Variants in SIK2 observed in about 807,000 individuals in gnomAD.
SIK2 encodes the protein salt inducible kinase 2, also known as serine/threonine-protein kinase SIK2.
A neutral mutation model predicts 103.2 loss-of-function variants in SIK2; 29 were observed. That is an observed-to-expected ratio of 0.28 (90% CI 0.21 to 0.38). The LOEUF (loss-of-function observed/expected upper bound fraction) is 0.38. SIK2 is among the 10% of genes least tolerant of loss of function. SIK2 has a pLI of 1.00. For missense variants in SIK2, 879 were observed against 1,171.0 expected, an observed-to-expected ratio of 0.75 and a Z score of 3.64; for synonymous variants, 412 against 446.1, an observed-to-expected ratio of 0.92 and a Z score of 0.96.
chr11:111,712,264 G>A lies in SIK2; in HGVS notation c.1155G>A (p.Leu385=). 6.2e-7 allele frequency: 1 copy of A among 1,614,212 alleles called. No individual in the cohort carries two copies. Among genetic ancestry groups the A allele is most frequent in the South Asian group, 1.1e-5 (1 of 91,084 alleles). ...VTMHSPNMRL[L]RSALLPQASN... Reference sequence around the variant, plus strand: ...TGCATTCACCGAACATGAGGCTGCTGCGATCTGCCCTCCTCCCCCAGGCAT... The same window carrying A: ...TGCATTCACCGAACATGAGGCTGCTACGATCTGCCCTCCTCCCCCAGGCAT... The change falls in exon 9 of 15, where the codon CTG becomes CTA. Residue 385 remains leucine (L), a synonymous_variant. Transcript: ENST00000304987.
intron 3 of SIK2, among the ~76,000 whole-genome samples, chr11:111,650,187 T>C (rs1412180162): frequency 6.6e-6 from 1 of 152,056 alleles, no homozygotes; most frequent in Non-Finnish European, 1.5e-5. Context: ...ATCTTAACTT[T>C]AGCAATTATC....
intron 3 of SIK2, among the ~76,000 whole-genome samples, chr11:111,626,216 A>G (rs1309887822): frequency 6.6e-6 from 1 of 152,168 alleles, no homozygotes; most frequent in Non-Finnish European, 1.5e-5. Context: ...AATGAGTAAT[A>G]GAATTAATTT....
chr11:111,700,615 C>CATT (rs1380703064), intron 4 of SIK2, among the ~76,000 whole-genome samples: 1 of 152,176 alleles, frequency 6.6e-6, no homozygotes, highest in African/African-American at 2.4e-5. Flanking sequence ...TTTTCTTTCA[C>CATT]ATGATATAAA....
At chr11:111,630,228 C>T (rs1942019420) in intron 3 of SIK2, among the ~76,000 whole-genome samples, 1 of 152,008 alleles carries the variant, frequency 6.6e-6, no homozygotes, top group Non-Finnish European at 1.5e-5. Context: ...CAAAAGAGTA[C>T]AGATTATATA....
chr11:111,611,954 C>T (rs1159997914), intron 1 of SIK2, among the ~76,000 whole-genome samples: 3 of 151,676 alleles, frequency 2.0e-5, no homozygotes, highest in Non-Finnish European at 4.4e-5. Context: ...ACTTTCAGTG[C>T]ACCTTTGGGG....
intron 1 of SIK2, among the ~76,000 whole-genome samples, chr11:111,607,198 C>G (rs944201734): frequency 6.6e-6 from 1 of 152,138 alleles, no homozygotes; most frequent in Non-Finnish European, 1.5e-5. Context: ...GGGTGTCAGG[C>G]TGCTTACTTA....
At chr11:111,655,687 T>C (rs12287352) in intron 3 of SIK2, among the ~76,000 whole-genome samples, 5,304 of 152,208 alleles carry the variant, frequency 0.035, 307 homozygotes, top group African/African-American at 0.12. Context: ...AGGTCTCTTG[T>C]TATGGTCCTT....
At chr11:111,604,808 A>C in intron 1 of SIK2, among the ~76,000 whole-genome samples, 1 of 152,176 alleles carries the variant, frequency 6.6e-6, no homozygotes, top group East Asian at 1.9e-4. Context: ...TATAAAAAGA[A>C]ATAGTGTGAA....
At position 111,647,893 on chromosome 11, in the gene SIK2, C is replaced by CT. The variant is rs573567694; in HGVS notation, c.316+27497dup. Among the ~76,000 whole-genome samples the CT allele has an allele frequency of 5.9e-4, 89 of 152,098 alleles. 1 individual carries two copies. In the South Asian group the frequency reaches 0.019, roughly 32 times the overall value. On this transcript the variant is annotated intron_variant, in intron 3 of 14. Transcript: ENST00000304987. ...AAAAAAAAAGAAAAAGAAAAACCTC[C>CT]TTTTTTGTCATGAAGATGGTTTTTT... is the stretch of plus-strand genomic sequence containing the variant.
chr11:111,644,246 G>A lies in SIK2; in HGVS notation c.316+23844G>A, dbSNP rs528981024. On this transcript the variant is annotated intron_variant, in intron 3 of 14. Coordinates refer to ENST00000304987, the MANE Select transcript of SIK2 (RefSeq NM_015191.3). ...GGAGGTTGTGGTGAGCCGAGATCACGCCACTGCACTCCAGCCTGGCGACAG... is the reference window on the plus strand; with the variant it reads ...GGAGGTTGTGGTGAGCCGAGATCACACCACTGCACTCCAGCCTGGCGACAG... 6.9e-4 allele frequency among the ~76,000 whole-genome samples: 97 copies of A among 139,714 alleles called. 2 individuals are homozygous for A. The highest frequency in any genetic ancestry group is 4.8e-3 in the East Asian group (23 of 4,758). 91.7% of individuals were successfully genotyped at this position (139,714 alleles called of 152,430 possible).
rs997458683 is a variant in SIK2, at chr11:111,725,458, A to T, written c.*1329A>T. The T allele has an allele frequency of 6.6e-6, 1 of 152,570 alleles. No individual in the cohort carries two copies. Among genetic ancestry groups the T allele is most frequent in the African/African-American group, 2.4e-5 (1 of 41,470 alleles). 9.5% of individuals were successfully genotyped at this position (152,570 alleles called of 1,614,324 possible). A position where few individuals can be genotyped will look rare whatever the true frequency, so the allele number is the denominator to read the frequency against. On this transcript the variant is annotated 3_prime_UTR_variant, in exon 15 of 15. Coordinates refer to ENST00000304987, the MANE Select transcript of SIK2 (RefSeq NM_015191.3). ...ACAATTCAGTCATCAAAGTAAGTAA[A>T]AATTAGATGCTACAGCTAGCTAACT... is the stretch of plus-strand genomic sequence containing the variant.
rs1447246269 is a variant in SIK2, at chr11:111,602,803, C to T, written c.135+105C>T. On this transcript the variant is annotated intron_variant, in intron 1 of 14. Transcript: ENST00000304987. This position sits in a 1 kb window ranked among gnomAD's most constrained non-coding sequence, Gnocchi z 4.5. ...GGTGGGACCGGGGAGACCCGAGAGGCCGCCTCACTGGCGGAGGCGAGCGGG... is the reference window on the plus strand; with the variant it reads ...GGTGGGACCGGGGAGACCCGAGAGGTCGCCTCACTGGCGGAGGCGAGCGGG... 26 of 1,374,684 alleles carry T rather than the reference C, an allele frequency of 1.9e-5. No homozygotes were observed. Among genetic ancestry groups the T allele is most frequent in the Non-Finnish European group, 2.3e-5 (25 of 1,064,982 alleles). 85.2% of individuals were successfully genotyped at this position (1,374,684 alleles called of 1,614,324 possible).
chr11:111,634,691 T>G (rs1942082438), intron 3 of SIK2, among the ~76,000 whole-genome samples: 1 of 152,206 alleles, frequency 6.6e-6, no homozygotes. Flanking sequence ...ATTTTTCTGC[T>G]TAAAATATTT....
chr11:111,720,804 G>C (rs761459308), intron 11 of SIK2, 42 bp downstream of exon 11: 1 of 1,571,754 alleles, frequency 6.4e-7, no homozygotes, highest in Non-Finnish European at 8.6e-7. Context: ...CGCGTCGTAG[G>C]AGAGCAGTTT....
Position 111,723,706 on chromosome 11 carries a change from A to G in SIK2, c.2358A>G (p.Gln786=). 1 of 1,614,124 alleles carries G rather than the reference A, an allele frequency of 6.2e-7. No individual in the cohort carries two copies. The highest frequency in any genetic ancestry group is 1.1e-5 in the South Asian group (1 of 91,074). ...TGGAGCCTTCCTCCGAGCAGATGCA[A>G]TACAGCCCTTTCCTCAGCCAGTACC... The part of the protein sequence containing the change: ...PVLEPSSEQM[Q]YSPFLSQYQE... Residue 786 remains glutamine, a synonymous_variant, in exon 15 of 15, where the codon CAA becomes CAG. Coordinates refer to ENST00000304987, the MANE Select transcript of SIK2 (RefSeq NM_015191.3).
chr11:111,706,955 G>A (rs1331363799), intron 8 of SIK2, among the ~76,000 whole-genome samples: 6 of 128,948 alleles, frequency 4.7e-5, no homozygotes, highest in South Asian at 2.5e-4. Flanking sequence ...GCAGGACTCC[G>A]TCTCAAAAAA....
chr11:111,673,475 A>G (rs931937051), intron 3 of SIK2, among the ~76,000 whole-genome samples: 8 of 152,152 alleles, frequency 5.3e-5, no homozygotes, highest in Non-Finnish European at 7.4e-5. Context: ...ATACTGCCCA[A>G]ACTGGAGCTG....
rs557790378 is a variant in SIK2, at chr11:111,687,011, T to C, written c.317-990T>C. Among the ~76,000 whole-genome samples, 18 of 152,354 alleles carry C rather than the reference T, an allele frequency of 1.2e-4. No homozygotes were observed. The East Asian group carries it at 3.5e-3, about 29-fold the overall frequency. On this transcript the variant is annotated intron_variant, in intron 3 of 14. Coordinates refer to ENST00000304987, the MANE Select transcript of SIK2 (RefSeq NM_015191.3). ...GTGTTTCAGAAAAGATGTCTTTCTG[T>C]GTGACAAGATGTCAGAGAATTCATT...
intron 3 of SIK2, among the ~76,000 whole-genome samples, chr11:111,629,368 G>A (rs534569637): frequency 3.8e-4 from 58 of 152,286 alleles, no homozygotes; most frequent in Non-Finnish European, 7.3e-4. Context: ...AGCCTGTACT[G>A]TTAGTAATTA....
Sources: gnomAD v4.1 joint callset for allele counts (sites outside exome capture counted in the v4.1 genomes callset) on GRCh38, gnomAD v4.1.1 for gene constraint, Gnocchi (gnomAD v3.1) non-coding constraint, MANE v1.5 for transcripts, NCBI Gene and HGNC (gene_info 2026-07-23, HGNC 2026-07-21) for gene names.